The following VAV3 variants were observed in gnomAD, a reference collection of about 807,000 sequenced individuals.
VAV3 encodes vav guanine nucleotide exchange factor 3.
Under a neutral mutation model 131.2 loss-of-function variants are expected in VAV3, and 94 were observed. The observed-to-expected ratio is 0.72, with a 90% CI of 0.61 to 0.85. The LOEUF is 0.85. Ranked by LOEUF, VAV3 falls within the 40% of genes least tolerant of loss-of-function variation. The pLI is 0.00. For synonymous variants in VAV3, 349 were observed against 342.0 expected, an observed-to-expected ratio of 1.02 and a Z score of -0.22; for missense variants, 939 against 1,002.7, an observed-to-expected ratio of 0.94 and a Z score of 0.86.
At chr1:107,940,552 C>A (rs1177239779) in intron 1 of VAV3, among the ~76,000 whole-genome samples, 1 of 152,156 alleles carries the variant, frequency 6.6e-6, no homozygotes, top group Non-Finnish European at 1.5e-5. Context: ...TGCCAATTTT[C>A]TAAAGCTTAA....
At chr1:107,913,139 C>T (rs980539739) in intron 1 of VAV3, among the ~76,000 whole-genome samples, 6 of 152,084 alleles carry the variant, frequency 3.9e-5, no homozygotes, top group African/African-American at 1.4e-4. Context: ...TCCATACTGT[C>T]GACAGCAATC....
chr1:107,722,041 C>A (rs2101924304), intron 15 of VAV3, among the ~76,000 whole-genome samples: 1 of 152,284 alleles, frequency 6.6e-6, no homozygotes, highest in East Asian at 1.9e-4. Flanking sequence ...TTGGGCTGGA[C>A]TTTATTCTGG....
intron 24 of VAV3, among the ~76,000 whole-genome samples, chr1:107,597,729 A>G (rs1009074603): frequency 6.6e-5 from 10 of 152,262 alleles, no homozygotes; most frequent in South Asian, 6.2e-4. Flanking sequence ...GTTTGGCTAA[A>G]GCATTGGATA....
At chr1:107,647,631 C>A (rs12127467) in intron 19 of VAV3, among the ~76,000 whole-genome samples, 24,915 of 151,834 alleles carry the variant, frequency 0.16, 2,329 homozygotes, top group Middle Eastern at 0.26. Flanking sequence ...TTGGGTAGGA[C>A]CCTAAAACAT....
intron 15 of VAV3, among the ~76,000 whole-genome samples, chr1:107,711,698 A>G (rs1570802209): frequency 1.3e-5 from 2 of 152,164 alleles, no homozygotes; most frequent in Non-Finnish European, 2.9e-5. Flanking sequence ...CATTCAATAA[A>G]TTCGTAAGTA....
At chr1:107,834,288 T>A (rs537963758) in intron 2 of VAV3, among the ~76,000 whole-genome samples, 10 of 152,270 alleles carry the variant, frequency 6.6e-5, no homozygotes, top group African/African-American at 2.4e-4. Context: ...ATGTCTTTAG[T>A]ACCCAATGTC....
At chr1:107,759,405 G>A (rs1057087433) in intron 10 of VAV3, among the ~76,000 whole-genome samples, 1 of 152,230 alleles carries the variant, frequency 6.6e-6, no homozygotes, top group African/African-American at 2.4e-5. Flanking sequence ...TTCTCACTTT[G>A]TGAATCTGTG....
intron 11 of VAV3, 110 bp downstream of exon 11, chr1:107,757,151 A>ATG: frequency 3.5e-6 from 2 of 579,502 alleles, no homozygotes; most frequent in East Asian, 6.3e-5. Flanking sequence ...ATATGTGTGT[A>ATG]TATGTGTGTG....
chr1:107,940,337 G>C (rs928539003), intron 1 of VAV3, among the ~76,000 whole-genome samples: 1 of 151,986 alleles, frequency 6.6e-6, no homozygotes, highest in Non-Finnish European at 1.5e-5. Flanking sequence ...TATTTAAAAG[G>C]AAAGCTAATC....
chr1:107,592,276 A>G (rs1173445434), intron 25 of VAV3, among the ~76,000 whole-genome samples: 1 of 152,138 alleles, frequency 6.6e-6, no homozygotes, highest in Non-Finnish European at 1.5e-5. Context: ...CCTCATGATT[A>G]GATTCCACTT....
intron 2 of VAV3, among the ~76,000 whole-genome samples, chr1:107,846,449 C>G (rs1341259828): frequency 6.6e-5 from 10 of 152,094 alleles, no homozygotes; most frequent in African/African-American, 2.2e-4. Context: ...CTAAATGCCC[C>G]AATTAAAAGA....
rs998856787 is a variant in VAV3, at chr1:107,571,586, T to C, written c.*1745A>G. The C allele has an allele frequency of 6.6e-6, 1 of 152,538 alleles. No individual in the cohort carries two copies. Among genetic ancestry groups the C allele is most frequent in the African/African-American group, 2.4e-5 (1 of 41,424 alleles). The allele number at this position is 152,538 out of a possible 1,614,324, so 9.4% of individuals were successfully genotyped here. On this transcript the variant is annotated 3_prime_UTR_variant, in exon 27 of 27. Transcript: ENST00000370056. ...CGGCTGACGGCAACAGACAAAACAT[T>C]CCCGAGACAGAGTCGCAGATAAGAC... is the stretch of plus-strand genomic sequence containing the variant.
At chr1:107,696,913 A>T (rs1487004441) in intron 17 of VAV3, among the ~76,000 whole-genome samples, 1 of 152,198 alleles carries the variant, frequency 6.6e-6, no homozygotes, top group East Asian at 1.9e-4. Flanking sequence ...GAAAAACTAT[A>T]TTACTGAACT....
rs368914759 is a variant in VAV3, at chr1:107,945,620, G to A, written c.204+19046C>T. On this transcript the variant is annotated intron_variant, in intron 1 of 26. Coordinates refer to ENST00000370056, the MANE Select transcript of VAV3 (RefSeq NM_006113.5). ...GAGCGGACTATCTGAGGTCAAGCTC[G>A]AGACCAGCCTGGCCAACATGGTGAA... Among the ~76,000 whole-genome samples, 15 of 152,096 alleles carry A rather than the reference G, an allele frequency of 9.9e-5. 1 individual carries two copies. Among genetic ancestry groups the A allele is most frequent in the Admixed American group, 5.2e-4 (8 of 15,276 alleles).
intron 1 of VAV3, among the ~76,000 whole-genome samples, chr1:107,908,980 A>C (rs574475707): frequency 6.6e-6 from 1 of 152,138 alleles, no homozygotes; most frequent in African/African-American, 2.4e-5. Context: ...ATTCATATTA[A>C]TTATTCCATT....
chr1:107,767,778 G>A (rs1664816055), intron 7 of VAV3, among the ~76,000 whole-genome samples: 1 of 152,174 alleles, frequency 6.6e-6, no homozygotes, highest in Admixed American at 6.5e-5. Flanking sequence ...ATCTTGCCTA[G>A]CATTACCTCA....
At chr1:107,645,166 C>A (rs1028007020) in intron 19 of VAV3, among the ~76,000 whole-genome samples, 1 of 151,970 alleles carries the variant, frequency 6.6e-6, no homozygotes, top group Non-Finnish European at 1.5e-5. Flanking sequence ...AAATGTGTAA[C>A]CCTTGCCAAG....
At chr1:107,754,326 T>C (rs1232381138) in intron 12 of VAV3, among the ~76,000 whole-genome samples, 2 of 152,226 alleles carry the variant, frequency 1.3e-5, no homozygotes, top group Non-Finnish European at 2.9e-5. Flanking sequence ...ACTGGAAAAC[T>C]GGCAGATGAT....
At chr1:107,875,291 G>A (rs569855052) in intron 1 of VAV3, among the ~76,000 whole-genome samples, 1 of 152,092 alleles carries the variant, frequency 6.6e-6, no homozygotes, top group Non-Finnish European at 1.5e-5. Context: ...ACACAAATAA[G>A]CAAGTATTTT....
Sources: allele counts gnomAD v4.1 joint callset (sites outside exome capture counted in the v4.1 genomes callset), GRCh38; gene constraint gnomAD v4.1.1; transcripts MANE v1.5; gene names NCBI Gene and HGNC (gene_info 2026-07-23, HGNC 2026-07-21).